Variants in SPINK1 observed in about 807,000 individuals in gnomAD.
The protein encoded by SPINK1 is serine protease inhibitor Kazal-type 1.
Under a neutral mutation model 9.5 loss-of-function variants are expected in SPINK1, and 5 were observed. That is an observed-to-expected ratio of 0.52 (90% confidence interval 0.27 to 1.10). The LOEUF (loss-of-function observed/expected upper bound fraction) is 1.10. SPINK1 is among the 50% of genes least tolerant of loss of function. The probability of loss-of-function intolerance (pLI) is 0.11; values close to 1 mark genes in which losing one functional copy is unlikely to be tolerated. For missense variants in SPINK1, 88 were observed against 92.7 expected, an observed-to-expected ratio of 0.95 and a Z score of 0.21; for synonymous variants, 37 against 32.3, an observed-to-expected ratio of 1.14 and a Z score of -0.49.
At chr5:147,833,228 G>A (rs887736075), upstream of SPINK1, among the ~76,000 whole-genome samples, 1 of 152,190 alleles carries the variant, frequency 6.6e-6, no homozygotes, top group African/African-American at 2.4e-5. Flanking sequence ...GGACACTCTG[G>A]CTTGAGCAAA....
chr5:147,837,252 A>T, the SPINK1 span, among the ~76,000 whole-genome samples: 5 of 152,186 alleles, frequency 3.3e-5, no homozygotes, highest in African/African-American at 1.2e-4. Context: ...TCATGTAGAG[A>T]AAATAATTAT....
chr5:147,830,591 A>C (rs1447806034), intron 1 of SPINK1, among the ~76,000 whole-genome samples: 1 of 152,178 alleles, frequency 6.6e-6, no homozygotes. Context: ...TGAGTCTAAA[A>C]ACTGAAGAGC....
At chr5:147,835,157 A>G (rs536736700), upstream of SPINK1, among the ~76,000 whole-genome samples, 5 of 152,300 alleles carry the variant, frequency 3.3e-5, no homozygotes, top group African/African-American at 1.2e-4. Flanking sequence ...CCTGTCTCCA[A>G]TTATAAATCT....
the SPINK1 span, among the ~76,000 whole-genome samples, chr5:147,837,705 C>CTTTA: frequency 1.2e-4 from 16 of 130,082 alleles, no homozygotes; most frequent in Non-Finnish European, 2.5e-4. Flanking sequence ...TTCTTTCTTT[C>CTTTA]TTTCTTTCTT....
chr5:147,836,961 GATAATAAC>G, the SPINK1 span, among the ~76,000 whole-genome samples: 2 of 152,100 alleles, frequency 1.3e-5, no homozygotes, highest in Non-Finnish European at 2.9e-5. Flanking sequence ...CAGCTGTAAA[GATAATAAC>G]ATTTCCAGCA....
the SPINK1 span, among the ~76,000 whole-genome samples, chr5:147,837,217 A>C: frequency 1.5e-4 from 23 of 152,286 alleles, no homozygotes; most frequent in African/African-American, 5.5e-4. Flanking sequence ...AATCAAATAC[A>C]CCAATAATTC....
chr5:147,824,703 T>G lies in SPINK1; in HGVS notation c.198A>C (p.Lys66Asn), dbSNP rs143014431. 4.2e-4 allele frequency: 681 copies of G among 1,613,856 alleles called. No homozygotes were observed. Among genetic ancestry groups the G allele is most frequent in the Non-Finnish European group, 5.2e-4 (610 of 1,179,972 alleles). Reference protein sequence around the residue: ...NECVLCFENRKRQTSILIQKS... With the variant: ...NECVLCFENRNRQTSILIQKS... ...TTTGAATGAGGATAGAAGTCTGGCG[T>G]TTCCTGCAGTAGAGATTAAAAAAAA... Residue 66 changes from lysine (K) to asparagine (N), a missense_variant, in exon 4 of 4, where the codon AAA (lysine) becomes AAC (asparagine). By Grantham distance (94) the Lys-to-Asn change is moderately conservative. Coordinates refer to ENST00000296695, the MANE Select transcript of SPINK1 (RefSeq NM_001379610.1).
At chr5:147,838,260 C>A in the SPINK1 span, among the ~76,000 whole-genome samples, 108,222 of 152,154 alleles carry the variant, frequency 0.71, 39,909 homozygotes, top group African/African-American at 0.9. Flanking sequence ...TTCTTGTAAC[C>A]TATGAAAATC....
At chr5:147,837,111 C>G in the SPINK1 span, among the ~76,000 whole-genome samples, 1 of 152,096 alleles carries the variant, frequency 6.6e-6, no homozygotes, top group Non-Finnish European at 1.5e-5. Context: ...TACCCTCAGG[C>G]TGGATGGGTT....
intron 2 of SPINK1, 152 bp downstream of exon 2, chr5:147,829,447 A>G (rs1756469286): frequency 1.4e-6 from 1 of 719,160 alleles, no homozygotes; most frequent in East Asian, 2.7e-5. Flanking sequence ...GGTTGGAACT[A>G]CTACTACCAT....
chr5:147,838,727 C>T, the SPINK1 span, among the ~76,000 whole-genome samples: 6 of 152,126 alleles, frequency 3.9e-5, no homozygotes, highest in Non-Finnish European at 8.8e-5. Flanking sequence ...TTTAGAGTCT[C>T]CTGGGGTCTT....
intron 3 of SPINK1, among the ~76,000 whole-genome samples, chr5:147,826,630 G>A (rs953647245): frequency 2.6e-5 from 4 of 152,138 alleles, no homozygotes; most frequent in African/African-American, 9.7e-5. Flanking sequence ...TGATGTTTGA[G>A]CTTAATGTCA....
chr5:147,824,950 T>C (rs1435858060), intron 3 of SPINK1, among the ~76,000 whole-genome samples: 1 of 152,192 alleles, frequency 6.6e-6, no homozygotes, highest in Non-Finnish European at 1.5e-5. Context: ...GTCCTTACAG[T>C]TTTTACAGAT....
intron 2 of SPINK1, among the ~76,000 whole-genome samples, chr5:147,828,714 CTAAG>C (rs1305536409): frequency 6.6e-6 from 1 of 152,148 alleles, no homozygotes; most frequent in Non-Finnish European, 1.5e-5. Flanking sequence ...ATCCTGTGAA[CTAAG>C]TATTATATTC....
At chr5:147,828,190 A>G in intron 2 of SPINK1, 62 bp from the exon 3 acceptor site, 1 of 1,254,958 alleles carries the variant, frequency 8.0e-7, no homozygotes, top group Non-Finnish European at 1.1e-6. Context: ...TCATAGCAAA[A>G]TCTCTGAAAT....
chr5:147,825,960 T>A (rs188099484), intron 3 of SPINK1, among the ~76,000 whole-genome samples: 33 of 152,350 alleles, frequency 2.2e-4, no homozygotes, highest in African/African-American at 7.0e-4. Context: ...TGATCAGTTT[T>A]ACTAGCCACA....
chr5:147,836,729 T>C, the SPINK1 span, among the ~76,000 whole-genome samples: 1 of 152,194 alleles, frequency 6.6e-6, no homozygotes, highest in Non-Finnish European at 1.5e-5. Context: ...AAGTCTTTCT[T>C]GGTCATTTCC....
upstream of SPINK1, chr5:147,831,877 T>G: frequency 8.2e-7 from 1 of 1,218,430 alleles, no homozygotes; most frequent in Non-Finnish European, 1.1e-6. Context: ...CCCTCTGTGG[T>G]TGTGGGAAAG....
chr5:147,832,148 C>T (rs1040621680), upstream of SPINK1, among the ~76,000 whole-genome samples: 1 of 152,042 alleles, frequency 6.6e-6, no homozygotes, highest in Non-Finnish European at 1.5e-5. Flanking sequence ...AAAGAGAAAG[C>T]AAGAGAGAGA....
Sources: gnomAD v4.1 joint callset for allele counts (sites outside exome capture counted in the v4.1 genomes callset) on GRCh38, gnomAD v4.1.1 for gene constraint, MANE v1.5 for transcripts, NCBI Gene and HGNC (gene_info 2026-07-23, HGNC 2026-07-21) for gene names.